Variants in DOCK2 observed in about 807,000 individuals in gnomAD.
The protein encoded by DOCK2 is dedicator of cytokinesis protein 2.
In DOCK2, 87 loss-of-function variants were observed where a neutral mutation model predicts 248.9. That is an observed-to-expected ratio of 0.35 (90% CI 0.29 to 0.42). The LOEUF (loss-of-function observed/expected upper bound fraction) is 0.42, where lower values mean the gene tolerates loss of function less well. Among genes scored for constraint, DOCK2 ranks in the 10% least tolerant of loss-of-function variants. The pLI is 1.00. For missense variants in DOCK2, 1,747 were observed against 2,300.2 expected (o/e 0.76, Z 4.92); for synonymous variants, 805 against 821.6 (o/e 0.98, Z 0.35).
intron 25 of DOCK2, among the ~76,000 whole-genome samples, chr5:169,772,099 C>T (rs1013192): frequency 0.34 from 51,870 of 152,066 alleles, 10,714 homozygotes; most frequent in East Asian, 0.6. Context: ...ATTCAATCTC[C>T]GGTGCTGAGG....
chr5:169,744,424 C>A (rs1185619014), intron 22 of DOCK2, among the ~76,000 whole-genome samples: 1 of 152,152 alleles, frequency 6.6e-6, no homozygotes, highest in Non-Finnish European at 1.5e-5. Flanking sequence ...ACAATAAGAG[C>A]AAGAACTAAA....
At chr5:169,903,943 T>C (rs1774116374) in intron 27 of DOCK2, among the ~76,000 whole-genome samples, 1 of 151,640 alleles carries the variant, frequency 6.6e-6, no homozygotes, top group Admixed American at 6.6e-5. Flanking sequence ...CTACAAAAAA[T>C]ACAAAAATTA....
chr5:170,067,402 C>G (rs1757530334), intron 44 of DOCK2, 108 bp from the exon 45 acceptor site: 9 of 1,128,640 alleles, frequency 8.0e-6, no homozygotes, highest in African/African-American at 1.6e-5. Flanking sequence ...CCTTAGGGAG[C>G]ATTGCCTCAT....
intron 27 of DOCK2, among the ~76,000 whole-genome samples, chr5:169,937,064 C>T (rs556245215): frequency 9.5e-4 from 145 of 152,272 alleles, no homozygotes; most frequent in African/African-American, 3.3e-3. Flanking sequence ...AGTTTCTGGG[C>T]AGAGTAATTG....
intron 27 of DOCK2, among the ~76,000 whole-genome samples, chr5:169,849,737 A>G (rs1024957502): frequency 2.6e-5 from 4 of 152,222 alleles, no homozygotes; most frequent in African/African-American, 9.6e-5. Flanking sequence ...GGAGTTTGCA[A>G]AGGGTTCTGG....
intron 26 of DOCK2, among the ~76,000 whole-genome samples, chr5:169,829,693 A>C (rs1769102843): frequency 6.6e-6 from 1 of 152,232 alleles, no homozygotes; most frequent in Non-Finnish European, 1.5e-5. Flanking sequence ...GTATTTAGAA[A>C]ATGAACAGTA....
intron 27 of DOCK2, among the ~76,000 whole-genome samples, chr5:169,845,315 G>A (rs1397224091): frequency 4.0e-5 from 6 of 151,778 alleles, no homozygotes; most frequent in African/African-American, 1.5e-4. Context: ...TGTGTTCTCC[G>A]AGGCCCTGTG....
chr5:169,942,988 C>A (rs1776300665), intron 27 of DOCK2, among the ~76,000 whole-genome samples: 2 of 152,188 alleles, frequency 1.3e-5, no homozygotes, highest in Admixed American at 6.5e-5. Context: ...ATGCGTGGGA[C>A]AAACATGGTT....
At position 169,657,299 on chromosome 5, in the gene DOCK2, A is replaced by G. The variant is rs184195531; in HGVS notation, c.127+2813A>G. Among the ~76,000 whole-genome samples the G allele has an allele frequency of 1.1e-4, 17 of 152,330 alleles. No individual in the cohort carries two copies. The East Asian group carries it at 2.9e-3, about 26-fold the overall frequency. On this transcript the variant is annotated intron_variant, in intron 2 of 51. Coordinates refer to ENST00000520908, the MANE Select transcript of DOCK2 (RefSeq NM_004946.3). ...TATGGTCTGTGATTCTGATTGAAAA[A>G]AAAAGATTCCTCTAAAAATATAAAA...
chr5:169,960,972 T>C (rs1777063603), intron 27 of DOCK2, among the ~76,000 whole-genome samples: 1 of 152,152 alleles, frequency 6.6e-6, no homozygotes, highest in African/African-American at 2.4e-5. Flanking sequence ...GTTCATAGTA[T>C]ATATAGGTTC....
chr5:170,026,861 A>G (rs763848116), intron 33 of DOCK2, among the ~76,000 whole-genome samples: 1 of 151,868 alleles, frequency 6.6e-6, no homozygotes, highest in Admixed American at 6.6e-5. Context: ...ACCAGTCTTG[A>G]CTCTCTGAGA....
chr5:169,774,893 T>TTTTGTTG (rs150359255), intron 25 of DOCK2, among the ~76,000 whole-genome samples: 1 of 150,746 alleles, frequency 6.6e-6, no homozygotes, highest in Non-Finnish European at 1.5e-5. Context: ...ATGACTGTTT[T>TTTTGTTG]TTGTTGTTGT....
intron 1 of DOCK2, among the ~76,000 whole-genome samples, chr5:169,651,788 G>A (rs1757822858): frequency 1.3e-5 from 2 of 152,194 alleles, no homozygotes; most frequent in Non-Finnish European, 2.9e-5. Context: ...CGTTTATGCA[G>A]GAGGAGAGAA....
intron 27 of DOCK2, among the ~76,000 whole-genome samples, chr5:169,895,446 T>C (rs115796250): frequency 0.062 from 9,342 of 151,044 alleles, 359 homozygotes; most frequent in Non-Finnish European, 0.088. Context: ...GGACAGGGGG[T>C]GGTCTCACTC....
chr5:169,909,043 G>A (rs1774449430), intron 27 of DOCK2, among the ~76,000 whole-genome samples: 1 of 152,186 alleles, frequency 6.6e-6, no homozygotes, highest in Admixed American at 6.5e-5. Flanking sequence ...GAGTGAATGT[G>A]AGCGAGGCTG....
chr5:169,699,336 AAGG>A (rs1230490612), intron 11 of DOCK2, 43 bp from the exon 12 acceptor site: 2 of 1,588,710 alleles, frequency 1.3e-6, no homozygotes, highest in African/African-American at 2.7e-5. Context: ...CTTGAAACGC[AAGG>A]AGGACACGAT....
intron 44 of DOCK2, among the ~76,000 whole-genome samples, chr5:170,057,894 G>C (rs1398592039): frequency 6.6e-6 from 1 of 151,602 alleles, no homozygotes; most frequent in Non-Finnish European, 1.5e-5. Flanking sequence ...ACTTTCCATG[G>C]CCTCCAGTAA....
At chr5:170,004,871 A>C in intron 30 of DOCK2, among the ~76,000 whole-genome samples, 1 of 146,876 alleles carries the variant, frequency 6.8e-6, no homozygotes, top group South Asian at 2.2e-4. Flanking sequence ...GAAAAATGAG[A>C]TCACATGGAC....
chr5:169,781,663 C>T (rs758903644), intron 25 of DOCK2, among the ~76,000 whole-genome samples: 1 of 152,170 alleles, frequency 6.6e-6, no homozygotes, highest in Non-Finnish European at 1.5e-5. Context: ...AGGGTATTGT[C>T]CACACAGGCC....
Sources: gnomAD v4.1 joint callset for allele counts (sites outside exome capture counted in the v4.1 genomes callset) on GRCh38, gnomAD v4.1.1 for gene constraint, MANE v1.5 for transcripts, NCBI Gene and HGNC (gene_info 2026-07-23, HGNC 2026-07-21) for gene names.